Variants in CDH18 observed in about 807,000 individuals in gnomAD.
CDH18 encodes the protein cadherin 18, also known as cadherin-18.
In CDH18, 31 loss-of-function variants were observed where a neutral mutation model predicts 67.9. The observed-to-expected ratio is 0.46, with a 90% CI of 0.34 to 0.62. The LOEUF (loss-of-function observed/expected upper bound fraction) is 0.62. Ranked by LOEUF, CDH18 falls within the 20% of genes least tolerant of loss-of-function variation. The pLI is 0.01. For missense variants in CDH18, 890 were observed against 975.5 expected, an observed-to-expected ratio of 0.91 and a Z score of 1.17; for synonymous variants, 362 against 347.2, an observed-to-expected ratio of 1.04 and a Z score of -0.48.
intron 4 of CDH18, among the ~76,000 whole-genome samples, chr5:19,739,626 T>C (rs529733248): frequency 1.8e-4 from 27 of 152,284 alleles, no homozygotes; most frequent in African/African-American, 6.0e-4. Context: ...AGAAGAATAG[T>C]TATGCAAATA....
At chr5:19,738,511 G>C (rs2150683016) in intron 4 of CDH18, among the ~76,000 whole-genome samples, 1 of 152,048 alleles carries the variant, frequency 6.6e-6, no homozygotes, top group Admixed American at 6.6e-5. Context: ...CTACATTGAG[G>C]CCTATACATA....
At chr5:19,684,667 A>T (rs1760813969) in intron 5 of CDH18, among the ~76,000 whole-genome samples, 1 of 151,950 alleles carries the variant, frequency 6.6e-6, no homozygotes, top group South Asian at 2.1e-4. Flanking sequence ...AATTTTTAAA[A>T]TTGAAAACCC....
chr5:19,607,451 AAAT>A (rs1748237025), intron 6 of CDH18, among the ~76,000 whole-genome samples: 1 of 151,562 alleles, frequency 6.6e-6, no homozygotes, highest in Non-Finnish European at 1.5e-5. Context: ...AGAGTGAAAT[AAAT>A]AATAATATCT....
At chr5:19,841,460 T>G (rs1351662606) in intron 2 of CDH18, among the ~76,000 whole-genome samples, 1 of 151,928 alleles carries the variant, frequency 6.6e-6, no homozygotes, top group Non-Finnish European at 1.5e-5. Flanking sequence ...AATTTGTGAC[T>G]GGAATAACTG....
chr5:19,991,561 T>A (rs1056523419), upstream of CDH18, among the ~76,000 whole-genome samples: 11 of 152,210 alleles, frequency 7.2e-5, no homozygotes, highest in African/African-American at 2.7e-4. Flanking sequence ...ATTTATTTTA[T>A]GTGTTTGGTT....
intron 2 of CDH18, among the ~76,000 whole-genome samples, chr5:19,930,097 T>C (rs894835035): frequency 2.6e-5 from 4 of 152,044 alleles, no homozygotes; most frequent in African/African-American, 9.7e-5. Flanking sequence ...ACTAGTTCAT[T>C]TAATCTTTAA....
chr5:19,798,647 C>T (rs1161935423), intron 3 of CDH18, among the ~76,000 whole-genome samples: 1 of 151,922 alleles, frequency 6.6e-6, no homozygotes, highest in Non-Finnish European at 1.5e-5. Context: ...ATGCTTTTAA[C>T]AGAATTAATT....
intron 1 of CDH18, among the ~76,000 whole-genome samples, chr5:20,298,283 C>T (rs530243345): frequency 2.2e-4 from 34 of 152,102 alleles, no homozygotes; most frequent in Admixed American, 9.8e-4. Context: ...TTTTATCATG[C>T]CCTGATCAAT....
chr5:20,033,429 A>C (rs1739573514), intron 2 of CDH18, among the ~76,000 whole-genome samples: 1 of 152,016 alleles, frequency 6.6e-6, no homozygotes, highest in Non-Finnish European at 1.5e-5. Context: ...TGCAAGTATC[A>C]CACAAGATGA....
At chr5:20,418,114 G>A (rs1274632680) in intron 1 of CDH18, among the ~76,000 whole-genome samples, 5 of 151,412 alleles carry the variant, frequency 3.3e-5, no homozygotes, top group East Asian at 1.9e-4. Flanking sequence ...TGCTGTTGTC[G>A]GCCGGGGCTG....
chr5:20,067,083 T>C (rs558657669), intron 2 of CDH18, among the ~76,000 whole-genome samples: 1 of 151,924 alleles, frequency 6.6e-6, no homozygotes, highest in East Asian at 1.9e-4. Context: ...GTATTTACAT[T>C]GTATTAGGTA....
chr5:20,144,688 T>A (rs991999124), intron 2 of CDH18, among the ~76,000 whole-genome samples: 1 of 152,162 alleles, frequency 6.6e-6, no homozygotes, highest in Non-Finnish European at 1.5e-5. Context: ...GAGATTATAT[T>A]GGATTGAATT....
chr5:20,464,261 G>A (rs1751478130), intron 1 of CDH18, among the ~76,000 whole-genome samples: 1 of 152,164 alleles, frequency 6.6e-6, no homozygotes, highest in Non-Finnish European at 1.5e-5. Flanking sequence ...CACCTTCTCT[G>A]TGATTCCATC....
intron 2 of CDH18, among the ~76,000 whole-genome samples, chr5:19,960,202 T>C (rs1410858842): frequency 6.6e-6 from 1 of 152,146 alleles, no homozygotes; most frequent in East Asian, 1.9e-4. Context: ...GCTGTTTAAT[T>C]ATTTTAAAAC....
In CDH18 at chr5:20,545,712, G is replaced by A. The variant is rs80246616; in HGVS notation, c.-580+29750C>T. Among the ~76,000 whole-genome samples the A allele has an allele frequency of 2.1e-3, 323 of 152,310 alleles. 3 individuals carry two copies. The highest frequency in any genetic ancestry group is 7.5e-3 in the African/African-American group (312 of 41,576). ...TTTTCCCTCCTAGACCTCCAGGACT[G>A]TGATGAGAGGGGCTACTGCCAAGAT... is the stretch of plus-strand genomic sequence containing the variant. On this transcript the variant is annotated intron_variant, in intron 1 of 14. Transcript: ENST00000507958.
intron 2 of CDH18, among the ~76,000 whole-genome samples, chr5:20,207,889 G>T (rs907801044): frequency 2.0e-5 from 3 of 152,010 alleles, no homozygotes; most frequent in African/African-American, 7.2e-5. Flanking sequence ...CAAAACTGGA[G>T]GAATCAGACT....
At chr5:20,029,310 G>C (rs139024796) in intron 2 of CDH18, among the ~76,000 whole-genome samples, 2 of 152,188 alleles carry the variant, frequency 1.3e-5, no homozygotes, top group East Asian at 3.9e-4. Flanking sequence ...GATGCTTATA[G>C]TAAAGCTTAC....
rs79573695 is a variant in CDH18 at position 20,045,582 on chromosome 5, T to C, written c.-517-53568A>G. ...GTCATGCAAAAATAGAAAACACATA[T>C]ATATATATATATGAAAAAATATGTT... On this transcript the variant is annotated intron_variant, in intron 2 of 14. Transcript: ENST00000507958. Among the ~76,000 whole-genome samples the C allele has an allele frequency of 8.2e-3, 1,242 of 151,978 alleles. 82 individuals are homozygous for C. In the East Asian group the frequency reaches 0.18, roughly 22 times the overall value.
intron 10 of CDH18, among the ~76,000 whole-genome samples, chr5:19,514,287 A>G (rs1745590785): frequency 6.6e-6 from 1 of 152,176 alleles, no homozygotes; most frequent in East Asian, 1.9e-4. Flanking sequence ...GCTATTGTGA[A>G]TAGTGCTGCA....
Sources: allele counts gnomAD v4.1 joint callset (sites outside exome capture counted in the v4.1 genomes callset), GRCh38; gene constraint gnomAD v4.1.1; transcripts MANE v1.5; gene names NCBI Gene and HGNC (gene_info 2026-07-23, HGNC 2026-07-21).